CYP11B2: variants seen among roughly 807,000 people sequenced by gnomAD.
CYP11B2 encodes the protein cytochrome P450 11B2, mitochondrial.
Under a neutral mutation model 49.3 loss-of-function variants are expected in CYP11B2, and 38 were observed. The observed-to-expected ratio is 0.77, with a 90% CI of 0.59 to 1.01. The LOEUF is 1.01. Ranked by LOEUF, CYP11B2 falls within the 50% of genes least tolerant of loss-of-function variation. The pLI, the probability that CYP11B2 is intolerant of heterozygous loss-of-function variation, is 0.00. For missense variants in CYP11B2, 669 were observed against 655.5 expected (o/e 1.02, Z -0.23); for synonymous variants, 290 against 269.3 (o/e 1.08, Z -0.75).
At position 142,914,298 on chromosome 8, in the gene CYP11B2, T is replaced by C. The variant is rs1228187432; in HGVS notation, c.920A>G (p.Asn307Ser). The C allele has an allele frequency of 3.7e-6, 6 of 1,614,092 alleles. No homozygotes were observed. The highest frequency in any genetic ancestry group is 3.3e-5 in the South Asian group (3 of 91,084). ...AELSLEAIKA[N>S]SMELTAGSVD... Reference sequence around the variant, plus strand: ...GCTCCCTGCAGTGAGTTCCATAGAGTTGGCCTTGATGGCTTCTAGTGACAG... The same window carrying C: ...GCTCCCTGCAGTGAGTTCCATAGAGCTGGCCTTGATGGCTTCTAGTGACAG... Residue 307 changes from asparagine to serine, a missense_variant, in exon 5 of 9, where the codon AAC becomes AGC. Transcript: ENST00000323110.
chr8:142,914,221 C>A (rs753166089), intron 5 of CYP11B2, 43 bp downstream of exon 5: 53 of 1,612,922 alleles, frequency 3.3e-5, no homozygotes, highest in Admixed American at 5.0e-5. Context: ...GGGAGGCAGG[C>A]TTGGCATCAC....
In CYP11B2 at chr8:142,910,837, A is replaced by G. The variant is rs1817520105; in HGVS notation, c.*1143T>C. On this transcript the variant is annotated 3_prime_UTR_variant, in exon 9 of 9. Coordinates refer to ENST00000323110, the MANE Select transcript of CYP11B2 (RefSeq NM_000498.3). This position sits in a 1 kb window ranked among gnomAD's most constrained non-coding sequence, Gnocchi z 4.6. ...CTTTCATGGGGGAACAAACGCTCTG[A>G]TCCTCATCAGCTACCAGGAGCTGGC... The G allele has an allele frequency of 6.6e-6, 1 of 152,188 alleles. No individual in the cohort carries two copies. Among genetic ancestry groups the G allele is most frequent in the Non-Finnish European group, 1.5e-5 (1 of 68,048 alleles). The allele number at this position is 152,188 out of a possible 1,614,324, so 9.4% of individuals were successfully genotyped here.
rs749465505 is a variant in CYP11B2, at chr8:142,912,647, G to C, written c.1281C>G (p.Arg427=). Residue 427 remains arginine, a synonymous_variant, in exon 8 of 9, where the codon CGC becomes CGG. Transcript: ENST00000323110. The part of the protein sequence containing the change: ...FPRPERYNPQ[R]WLDIRGSGRN... ...TGCCGGAGCCCCTGATGTCTAGCCA[G>C]CGCTGGGGATTATACCGCTCAGGCC... 1.2e-6 allele frequency: 2 copies of C among 1,614,200 alleles called. No individual in the cohort carries two copies. The highest frequency in any genetic ancestry group is 4.5e-5 in the East Asian group (2 of 44,886).
At position 142,912,630 on chromosome 8, in the gene CYP11B2, C is replaced by T. The variant is rs781276388; in HGVS notation, c.1298G>A (p.Gly433Asp). The change falls in exon 8 of 9, where the codon GGC becomes GAC. Residue 433 changes from glycine to aspartate, a missense_variant. Gly to Asp is a moderately conservative substitution (Grantham distance 94). Coordinates refer to ENST00000323110, the MANE Select transcript of CYP11B2 (RefSeq NM_000498.3). The stretch of plus-strand genomic sequence containing the variant: ...CACGTGGTGGAAGTTCCTGCCGGAG[C>T]CCCTGATGTCTAGCCAGCGCTGGGG... ...YNPQRWLDIR[G>D]SGRNFHHVPF... is the part of the protein sequence containing the mutation. The T allele has an allele frequency of 1.2e-6, 2 of 1,614,228 alleles. No individual in the cohort carries two copies. Among genetic ancestry groups the T allele is most frequent in the Non-Finnish European group, 1.7e-6 (2 of 1,180,032 alleles).
At chr8:142,913,901 G>A (rs1254734423) in intron 5 of CYP11B2, 3 of 500,556 alleles carry the variant, frequency 6.0e-6, no homozygotes, top group Non-Finnish European at 1.2e-5. Flanking sequence ...GGGCACACTG[G>A]GAAGGGTGCC....
chr8:142,916,055 T>C (rs1046410337), intron 2 of CYP11B2, among the ~76,000 whole-genome samples: 2 of 151,072 alleles, frequency 1.3e-5, no homozygotes, highest in Admixed American at 1.3e-4. Context: ...ACACAGACAC[T>C]TGTGCACACA....
At position 142,911,692 on chromosome 8, in the gene CYP11B2, G is replaced by GT; in HGVS notation, c.*287_*288insA. ...GAGCCTGGAGCCAGCGCTGGGAGTA[G>GT]AGTCAAGCTGTCCAGAGGGCACTGC... On this transcript the variant is annotated 3_prime_UTR_variant, in exon 9 of 9. Transcript: ENST00000323110. 2.1e-6 allele frequency: 1 copy of GT among 469,026 alleles called. No homozygotes were observed. Among genetic ancestry groups the GT allele is most frequent in the Non-Finnish European group, 3.9e-6 (1 of 254,980 alleles). 29.1% of individuals were successfully genotyped at this position (469,026 alleles called of 1,614,324 possible).
Position 142,915,235 on chromosome 8 carries a change from C to A in CYP11B2, c.406G>T (p.Glu136Ter), listed in dbSNP as rs2130331235. The A allele has an allele frequency of 6.2e-7, 1 of 1,612,654 alleles. No individual in the cohort carries two copies. The highest frequency in any genetic ancestry group is 1.1e-5 in the South Asian group (1 of 90,598). The change falls in exon 3 of 9, where the codon GAA becomes TAA. Residue 136 changes from glutamate to a stop codon, truncating the protein, a stop_gained. Transcript: ENST00000323110. LOFTEE classifies it high-confidence loss of function. ...KCGVFLLNGP[E>*]WRFNRLRLNP... ...AGCCGCAATCGGTTGAAGCGCCATT[C>A]AGGCCCATTCCTACAGAGGCCAGGG...
In CYP11B2 at chr8:142,912,628, A is replaced by G. The variant is rs1409876738; in HGVS notation, c.1300T>C (p.Ser434Pro). 6 of 1,614,064 alleles carry G rather than the reference A, an allele frequency of 3.7e-6. No individual in the cohort carries two copies. The African/African-American group carries it at 6.7e-5, about 18-fold the overall frequency. ...GGCACGTGGTGGAAGTTCCTGCCGG[A>G]GCCCCTGATGTCTAGCCAGCGCTGG... ...NPQRWLDIRG[S>P]GRNFHHVPFG... The change falls in exon 8 of 9, where the codon TCC becomes CCC. Residue 434 changes from serine (S) to proline (P), a missense_variant. Physicochemically the swap from Ser to Pro is moderately conservative, Grantham distance 74. Coordinates refer to ENST00000323110, the MANE Select transcript of CYP11B2 (RefSeq NM_000498.3).
chr8:142,915,487 A>C (rs541461447), intron 2 of CYP11B2, among the ~76,000 whole-genome samples: 2 of 149,426 alleles, frequency 1.3e-5, no homozygotes, highest in East Asian at 3.9e-4. Flanking sequence ...AGGTGCTGAC[A>C]GGGTAACTGA....
Position 142,914,253 on chromosome 8 carries a change from G to A in CYP11B2, c.954+11C>T, listed in dbSNP as rs774160301. 25 of 1,613,932 alleles carry A rather than the reference G, an allele frequency of 1.5e-5. No homozygotes were observed. The highest frequency in any genetic ancestry group is 3.3e-4 in the Middle Eastern group (2 of 5,990). On this transcript the variant is annotated intron_variant, in intron 5 of 8. Coordinates refer to ENST00000323110, the MANE Select transcript of CYP11B2 (RefSeq NM_000498.3). ...TCACCCTCTCTGGGTGGGGCTGGTT[G>A]CTGGCCTGACCGTGTCCACGCTCCC...
intron 5 of CYP11B2, 58 bp downstream of exon 5, chr8:142,914,206 T>C: frequency 8.1e-6 from 13 of 1,605,374 alleles, no homozygotes; most frequent in Non-Finnish European, 1.1e-5. Context: ...TGGCAGGCAG[T>C]GCCTGGGAGG....
rs1457669451 is a variant in CYP11B2, at chr8:142,911,478, C to A, written c.*502G>T. On this transcript the variant is annotated 3_prime_UTR_variant, in exon 9 of 9. Coordinates refer to ENST00000323110, the MANE Select transcript of CYP11B2 (RefSeq NM_000498.3). The stretch of plus-strand genomic sequence containing the variant: ...GTGACAACTTTCAGAGAGCTCAGGG[C>A]ATGCTCGAGCTGCCTGGGGTCAGGC... The A allele has an allele frequency of 1.1e-5, 2 of 187,384 alleles. No homozygotes were observed. Among genetic ancestry groups the A allele is most frequent in the Admixed American group, 1.1e-4 (2 of 18,778 alleles). The allele number at this position is 187,384 out of a possible 1,614,324, so 11.6% of individuals were successfully genotyped here.
intron 5 of CYP11B2, 139 bp downstream of exon 5, chr8:142,914,125 G>A (rs1817592255): frequency 2.1e-6 from 2 of 956,762 alleles, no homozygotes; most frequent in Non-Finnish European, 3.3e-6. Context: ...ACAAAGGAGG[G>A]GGAAGGCTGA....
intron 5 of CYP11B2, 161 bp downstream of exon 5, chr8:142,914,103 T>A: frequency 2.5e-6 from 2 of 813,938 alleles, no homozygotes; most frequent in Non-Finnish European, 4.2e-6. Flanking sequence ...CCCCTGCAAA[T>A]CTCATCCCTT....
chr8:142,913,831 C>T, intron 5 of CYP11B2: 1 of 456,768 alleles, frequency 2.2e-6, no homozygotes, highest in Non-Finnish European at 4.2e-6. Context: ...GGAGCCTGTG[C>T]TGCTGTCTTC....
chr8:142,917,035 C>G, intron 2 of CYP11B2, 24 bp downstream of exon 2: 1 of 1,613,726 alleles, frequency 6.2e-7, no homozygotes, highest in Non-Finnish European at 8.5e-7. Flanking sequence ...GCTCCCAGCT[C>G]TCAGCTCCCA....
intron 5 of CYP11B2, 125 bp downstream of exon 5, chr8:142,914,139 C>T: frequency 1.8e-6 from 2 of 1,116,422 alleles, no homozygotes; most frequent in Non-Finnish European, 2.7e-6. Context: ...AGGCTGAGGG[C>T]AACAGAAATG....
rs1817517006 is a variant in CYP11B2, at chr8:142,910,670, C to G, written c.*1310G>C. On this transcript the variant is annotated 3_prime_UTR_variant, in exon 9 of 9. Coordinates refer to ENST00000323110, the MANE Select transcript of CYP11B2 (RefSeq NM_000498.3). This position sits in a 1 kb window ranked among gnomAD's most constrained non-coding sequence, Gnocchi z 4.6. ...GAAGCCATCTCTGAGGTCTGTGCACCTTGTTGCCCCCTTATTCCTTTCCCA... is the reference window on the plus strand; with the variant it reads ...GAAGCCATCTCTGAGGTCTGTGCACGTTGTTGCCCCCTTATTCCTTTCCCA... 1 of 152,118 alleles carries G rather than the reference C, an allele frequency of 6.6e-6. No homozygotes were observed. The highest frequency in any genetic ancestry group is 2.4e-5 in the African/African-American group (1 of 41,394). The allele number at this position is 152,118 out of a possible 1,614,324, so 9.4% of individuals were successfully genotyped here.
Sources: allele counts gnomAD v4.1 joint callset (sites outside exome capture counted in the v4.1 genomes callset), GRCh38; gene constraint gnomAD v4.1.1; non-coding constraint Gnocchi (gnomAD v3.1); transcripts MANE v1.5; gene names NCBI Gene and HGNC (gene_info 2026-07-23, HGNC 2026-07-21).